STRN3: variants seen among roughly 807,000 people sequenced by gnomAD.
STRN3 encodes striatin-3.
Under a neutral mutation model 95.6 loss-of-function variants are expected in STRN3, and 29 were observed. The observed-to-expected ratio is 0.30, with a 90% CI of 0.23 to 0.41. The LOEUF (loss-of-function observed/expected upper bound fraction) is 0.41, where lower values mean the gene tolerates loss of function less well. STRN3 is among the 10% of genes least tolerant of loss of function. The pLI is 1.00. For missense variants in STRN3, 890 were observed against 972.1 expected, an observed-to-expected ratio of 0.92 and a Z score of 1.12; for synonymous variants, 331 against 357.6, an observed-to-expected ratio of 0.93 and a Z score of 0.84.
intron 1 of STRN3, among the ~76,000 whole-genome samples, chr14:30,991,047 A>G (rs1158784938): frequency 6.6e-6 from 1 of 152,240 alleles, no homozygotes; most frequent in Non-Finnish European, 1.5e-5. Flanking sequence ...CTTGACTAAT[A>G]TGAGAAAGAG....
chr14:31,024,966 C>A (rs932510607), intron 1 of STRN3: 1 of 152,192 alleles, frequency 6.6e-6, no homozygotes, highest in African/African-American at 2.4e-5. Context: ...CAACAGCTTC[C>A]AAATGTGCAG....
intron 1 of STRN3, among the ~76,000 whole-genome samples, chr14:30,969,552 A>G (rs2139190608): frequency 6.6e-6 from 1 of 152,324 alleles, no homozygotes; most frequent in East Asian, 1.9e-4. Context: ...ATAAAGGTGA[A>G]ATTCAGATTA....
intron 7 of STRN3, among the ~76,000 whole-genome samples, chr14:30,933,100 C>T (rs1878621045): frequency 6.6e-6 from 1 of 151,146 alleles, no homozygotes; most frequent in Non-Finnish European, 1.5e-5. Context: ...CATGGCCAAA[C>T]TCCGTCTCTA....
chr14:30,902,485 T>C, intron 16 of STRN3, 51 bp downstream of exon 16: 1 of 1,252,466 alleles, frequency 8.0e-7, no homozygotes, highest in Non-Finnish European at 1.1e-6. Flanking sequence ...GCATTTTTGA[T>C]CATCTCAAAT....
intron 1 of STRN3, among the ~76,000 whole-genome samples, chr14:30,980,956 C>T (rs781387295): frequency 6.6e-6 from 1 of 151,986 alleles, no homozygotes; most frequent in Non-Finnish European, 1.5e-5. Flanking sequence ...AAGCAACATA[C>T]AGGCGAATTC....
intron 9 of STRN3, among the ~76,000 whole-genome samples, chr14:30,915,755 T>C (rs1374501646): frequency 3.3e-5 from 5 of 152,150 alleles, no homozygotes; most frequent in Admixed American, 6.5e-5. Context: ...CTCACAATTA[T>C]ACAAACATTC....
intron 1 of STRN3, among the ~76,000 whole-genome samples, chr14:30,981,245 T>C (rs1051710865): frequency 9.9e-5 from 15 of 151,826 alleles, no homozygotes; most frequent in South Asian, 6.2e-4. Context: ...AGCCCAGGAG[T>C]TGGAGACCGA....
chr14:30,934,816 G>T (rs1387790210), intron 7 of STRN3, among the ~76,000 whole-genome samples: 1 of 151,932 alleles, frequency 6.6e-6, no homozygotes, highest in Non-Finnish European at 1.5e-5. Flanking sequence ...CCTAAATCTA[G>T]AATACCAAAT....
At chr14:30,921,059 T>TACAC (rs1435369980) in intron 8 of STRN3, among the ~76,000 whole-genome samples, 2 of 97,896 alleles carry the variant, frequency 2.0e-5, no homozygotes, top group African/African-American at 8.2e-5. Flanking sequence ...GAAGGCTTTC[T>TACAC]ACACATACAT....
intron 7 of STRN3, among the ~76,000 whole-genome samples, chr14:30,929,967 A>AAAAAAAAAAAAACAAAAAAAAAAAAAAAC (rs1555317337): frequency 1.5e-4 from 14 of 91,124 alleles, no homozygotes; most frequent in South Asian, 3.2e-4. Flanking sequence ...AAAAAAAAAA[A>AAAAAAAAAAAAACAAAAAAAAAAAAAAAC]AAAAAAAAAA....
chr14:30,986,227 A>C (rs1486807858), intron 1 of STRN3, among the ~76,000 whole-genome samples: 1 of 152,206 alleles, frequency 6.6e-6, no homozygotes, highest in Non-Finnish European at 1.5e-5. Context: ...TGCTGAGAAC[A>C]ACCAAAGCAG....
intron 1 of STRN3, among the ~76,000 whole-genome samples, chr14:31,014,442 G>A (rs375065738): frequency 2.1e-4 from 32 of 152,054 alleles, no homozygotes; most frequent in African/African-American, 7.0e-4. Flanking sequence ...GGCTGTTCTC[G>A]AACTCCTAAT....
intron 4 of STRN3, among the ~76,000 whole-genome samples, chr14:30,949,182 T>C (rs770163422): frequency 3.3e-5 from 5 of 152,260 alleles, no homozygotes; most frequent in Admixed American, 6.5e-5. Context: ...TTTCCTTCAA[T>C]TCTGCTAGTT....
chr14:30,930,358 G>A (rs1477262635), intron 7 of STRN3, among the ~76,000 whole-genome samples: 1 of 152,034 alleles, frequency 6.6e-6, no homozygotes, highest in Non-Finnish European at 1.5e-5. Flanking sequence ...AGACACCCTA[G>A]GCCTCACTGA....
chr14:30,932,415 T>G (rs1177388861), intron 7 of STRN3: 1 of 152,236 alleles, frequency 6.6e-6, no homozygotes, highest in African/African-American at 2.4e-5. Context: ...TCTTGTTGAG[T>G]AGAAATGATG....
intron 1 of STRN3, among the ~76,000 whole-genome samples, chr14:31,007,877 G>T: frequency 6.6e-6 from 1 of 152,116 alleles, no homozygotes; most frequent in East Asian, 1.9e-4. Flanking sequence ...AGGCAGCAGG[G>T]TAAGACCCTG....
At chr14:30,921,107 C>CACACACACACAA (rs55677760) in intron 8 of STRN3, among the ~76,000 whole-genome samples, 1 of 151,266 alleles carries the variant, frequency 6.6e-6, no homozygotes, top group Admixed American at 6.6e-5. Flanking sequence ...CACACACACA[C>CACACACACACAA]TTCCTTATCT....
intron 1 of STRN3, among the ~76,000 whole-genome samples, chr14:30,958,429 G>C (rs963032992): frequency 1.2e-4 from 18 of 152,204 alleles, no homozygotes; most frequent in Admixed American, 1.3e-4. Context: ...AATAGTCTAT[G>C]ATCCAGAAGA....
chr14:30,924,287 C>CTTTT lies in STRN3; in HGVS notation c.1099+4910_1099+4913dup, dbSNP rs71112354. ...AGGTACAATGGCTCATGCCTTAAATCTTTTTTTTTTTTTTTTTTTTGAGAT... is the reference window on the plus strand; with the variant it reads ...AGGTACAATGGCTCATGCCTTAAATCTTTTTTTTTTTTTTTTTTTTTTTTGAGAT... On this transcript the variant is annotated intron_variant, in intron 8 of 17. Coordinates refer to ENST00000357479, the MANE Select transcript of STRN3 (RefSeq NM_001083893.2). 2.2e-4 allele frequency among the ~76,000 whole-genome samples: 17 copies of CTTTT among 77,244 alleles called. 5 individuals carry two copies. Among genetic ancestry groups the CTTTT allele is most frequent in the African/African-American group, 4.8e-4 (9 of 18,668 alleles). 50.7% of individuals were successfully genotyped at this position (77,244 alleles called of 152,430 possible). A position where few individuals can be genotyped will look rare whatever the true frequency, so the allele number is the denominator to read the frequency against.
Sources: allele counts gnomAD v4.1 joint callset (sites outside exome capture counted in the v4.1 genomes callset), GRCh38; gene constraint gnomAD v4.1.1; transcripts MANE v1.5; gene names NCBI Gene and HGNC (gene_info 2026-07-23, HGNC 2026-07-21).